GARNL3: variants seen among roughly 807,000 people sequenced by gnomAD.
GARNL3 encodes the protein GTPase-activating Rap/Ran-GAP domain-like protein 3.
GARNL3 carries 63 observed loss-of-function variants against 125.0 expected under a neutral mutation model. The ratio of observed to expected loss-of-function variants is 0.50; its 90% CI spans 0.41 to 0.62. GARNL3 has a LOEUF of 0.62. GARNL3 is among the 20% of genes least tolerant of loss of function. The pLI is 0.00. For synonymous variants in GARNL3, 439 were observed against 457.5 expected, an observed-to-expected ratio of 0.96 and a Z score of 0.52; for missense variants, 994 against 1,244.0, an observed-to-expected ratio of 0.80 and a Z score of 3.02.
chr9:127,245,166 A>G (rs1234613167), intron 2 of GARNL3, among the ~76,000 whole-genome samples: 2 of 152,174 alleles, frequency 1.3e-5, no homozygotes, highest in African/African-American at 2.4e-5. Context: ...CCCGCAGTGG[A>G]GCTGGCCCGC....
chr9:127,238,356 T>C (rs2063148015), intron 1 of GARNL3, among the ~76,000 whole-genome samples: 1 of 152,160 alleles, frequency 6.6e-6, no homozygotes, highest in Non-Finnish European at 1.5e-5. Context: ...TGGACTGCTG[T>C]TACTTCCTTG....
At chr9:127,357,800 T>C (rs1037856078) in intron 21 of GARNL3, among the ~76,000 whole-genome samples, 4 of 150,276 alleles carry the variant, frequency 2.7e-5, no homozygotes, top group African/African-American at 9.8e-5. Context: ...AAAAAAGACA[T>C]GAAGAGTCAA....
Position 127,349,820 on chromosome 9 carries a change from C to T in GARNL3, c.1543+785C>T, listed in dbSNP as rs373027907. 6.4e-4 allele frequency among the ~76,000 whole-genome samples: 98 copies of T among 152,336 alleles called. 1 individual carries two copies. Among genetic ancestry groups the T allele is most frequent in the African/African-American group, 2.3e-3 (97 of 41,572 alleles). On this transcript the variant is annotated intron_variant, in intron 17 of 27. Coordinates refer to ENST00000373387, the MANE Select transcript of GARNL3 (RefSeq NM_032293.5). ...ACAATGTCTCCAAAGGGCATTTCCT[C>T]GGACTGCCCAGAAACAGCTGCCCAG...
At chr9:127,302,927 G>A (rs1279513672) in intron 2 of GARNL3, among the ~76,000 whole-genome samples, 3 of 152,252 alleles carry the variant, frequency 2.0e-5, no homozygotes, top group East Asian at 1.9e-4. Flanking sequence ...CGAGGTGGGT[G>A]GATCACGAGG....
At chr9:127,295,049 C>T (rs1160654398) in intron 2 of GARNL3, among the ~76,000 whole-genome samples, 3 of 152,224 alleles carry the variant, frequency 2.0e-5, no homozygotes, top group African/African-American at 7.2e-5. Context: ...GACTGTCCAT[C>T]TTTTCAATTT....
chr9:127,307,505 T>C (rs1588819605), intron 2 of GARNL3, among the ~76,000 whole-genome samples: 1 of 152,218 alleles, frequency 6.6e-6, no homozygotes, highest in East Asian at 1.9e-4. Flanking sequence ...GTGTTGCTTT[T>C]AGTAGAACAA....
intron 8 of GARNL3, 71 bp downstream of exon 8, chr9:127,332,420 G>A (rs1367256606): frequency 2.0e-5 from 25 of 1,219,786 alleles, no homozygotes; most frequent in Non-Finnish European, 3.0e-5. Flanking sequence ...GCCAGTTGGA[G>A]CTTAACTTGT....
chr9:127,359,513 C>T (rs1027896072), intron 21 of GARNL3, among the ~76,000 whole-genome samples: 4 of 152,096 alleles, frequency 2.6e-5, no homozygotes, highest in African/African-American at 7.2e-5. Context: ...GTTCTCACCC[C>T]CTTCTTCCTT....
At chr9:127,240,735 C>T (rs2063189359) in intron 1 of GARNL3, among the ~76,000 whole-genome samples, 1 of 152,054 alleles carries the variant, frequency 6.6e-6, no homozygotes, top group Non-Finnish European at 1.5e-5. Context: ...AGACCCATGT[C>T]TATACAAATA....
intron 22 of GARNL3, among the ~76,000 whole-genome samples, chr9:127,375,561 T>C (rs570937187): frequency 1.3e-5 from 2 of 152,272 alleles, no homozygotes; most frequent in East Asian, 3.9e-4. Flanking sequence ...TTATTTGTAT[T>C]AGCCCAAAAC....
chr9:127,350,457 A>G (rs189171181), intron 17 of GARNL3, among the ~76,000 whole-genome samples: 88 of 152,222 alleles, frequency 5.8e-4, no homozygotes, highest in Middle Eastern at 3.4e-3. Flanking sequence ...TATCTTTACT[A>G]TGTCTCTATG....
intron 9 of GARNL3, among the ~76,000 whole-genome samples, chr9:127,334,298 G>C: frequency 6.6e-6 from 1 of 152,010 alleles, no homozygotes; most frequent in East Asian, 1.9e-4. Flanking sequence ...TGCTTTATTT[G>C]ATCTTCACAG....
At chr9:127,370,300 C>T (rs1482846855) in intron 22 of GARNL3, among the ~76,000 whole-genome samples, 1 of 152,168 alleles carries the variant, frequency 6.6e-6, no homozygotes, top group African/African-American at 2.4e-5. Flanking sequence ...GCTTTCTACA[C>T]CTCTCTCTCC....
chr9:127,362,057 C>CTTCAT (rs1831030098), intron 21 of GARNL3: 2 of 147,164 alleles, frequency 1.4e-5, no homozygotes, highest in African/African-American at 5.0e-5. Context: ...GGAAGGGGCT[C>CTTCAT]TTCATTTCTC....
chr9:127,229,130 A>G (rs1458022189), intron 1 of GARNL3, among the ~76,000 whole-genome samples: 1 of 152,124 alleles, frequency 6.6e-6, no homozygotes, highest in African/African-American at 2.4e-5. Flanking sequence ...GGCTCTGTTT[A>G]TGCTTAAGTA....
chr9:127,276,576 C>T (rs1461233767), intron 1 of GARNL3, among the ~76,000 whole-genome samples: 1 of 152,220 alleles, frequency 6.6e-6, no homozygotes, highest in African/African-American at 2.4e-5. Context: ...GCGCATTTGC[C>T]TAAATGCCCA....
chr9:127,284,070 T>C (rs1588753375), intron 1 of GARNL3, among the ~76,000 whole-genome samples: 1 of 152,188 alleles, frequency 6.6e-6, no homozygotes. Context: ...GTGGCTCTTA[T>C]GTGGCTCTCA....
chr9:127,390,967 C>A (rs1190927389), intron 27 of GARNL3, among the ~76,000 whole-genome samples, 200 bp downstream of exon 27: 2 of 152,214 alleles, frequency 1.3e-5, no homozygotes, highest in African/African-American at 4.8e-5. Flanking sequence ...GCACACTTAC[C>A]AGCAGTCAAC....
At chr9:127,287,467 T>G (rs548016697) in intron 1 of GARNL3, among the ~76,000 whole-genome samples, 1 of 152,268 alleles carries the variant, frequency 6.6e-6, no homozygotes, top group East Asian at 1.9e-4. Flanking sequence ...GTTAAAAAGA[T>G]TTTCTTCCTG....
Sources: allele counts gnomAD v4.1 joint callset (sites outside exome capture counted in the v4.1 genomes callset), GRCh38; gene constraint gnomAD v4.1.1; transcripts MANE v1.5; gene names NCBI Gene and HGNC (gene_info 2026-07-23, HGNC 2026-07-21).